The following KLHL32 variants were observed in gnomAD, a reference collection of about 807,000 sequenced individuals.
KLHL32 encodes kelch like family member 32.
KLHL32 carries 35 observed loss-of-function variants against 64.8 expected under a neutral mutation model. That is an observed-to-expected ratio of 0.54 (90% confidence interval 0.41 to 0.72). The LOEUF (loss-of-function observed/expected upper bound fraction) is 0.72. Ranked by LOEUF, KLHL32 falls within the 30% of genes least tolerant of loss-of-function variation. The pLI is 0.00. For synonymous variants in KLHL32, 259 were observed against 281.0 expected (o/e 0.92, Z 0.78); for missense variants, 589 against 768.5 (o/e 0.77, Z 2.76).
At chr6:97,056,141 T>C (rs1426747502) in intron 4 of KLHL32, among the ~76,000 whole-genome samples, 1 of 143,564 alleles carries the variant, frequency 7.0e-6, no homozygotes, top group African/African-American at 2.6e-5. Flanking sequence ...AGTCTCGCTC[T>C]GTCACCCAGG....
intron 1 of KLHL32, among the ~76,000 whole-genome samples, chr6:96,940,277 C>A (rs1771125898): frequency 6.6e-6 from 1 of 151,866 alleles, no homozygotes; most frequent in African/African-American, 2.4e-5. Flanking sequence ...ATTGAAATTG[C>A]CTAGGGATAG....
chr6:96,934,697 G>A (rs1489961205), intron 1 of KLHL32, among the ~76,000 whole-genome samples: 2 of 152,210 alleles, frequency 1.3e-5, no homozygotes, highest in Non-Finnish European at 2.9e-5. Flanking sequence ...TGTCCATATG[G>A]TAGCTCGGTT....
intron 1 of KLHL32, among the ~76,000 whole-genome samples, chr6:96,959,445 C>G (rs963395466): frequency 2.6e-5 from 4 of 152,206 alleles, no homozygotes; most frequent in Non-Finnish European, 5.9e-5. Context: ...GGGTTGGTTT[C>G]TTCTGAGGCC....
intron 4 of KLHL32, among the ~76,000 whole-genome samples, chr6:97,057,195 T>C (rs1292731662): frequency 8.5e-5 from 7 of 82,080 alleles, no homozygotes; most frequent in South Asian, 3.3e-4. Context: ...TTTTTTTTTT[T>C]TTTTTTGAGA....
chr6:97,096,476 T>C (rs1795007206), intron 6 of KLHL32, among the ~76,000 whole-genome samples: 1 of 152,244 alleles, frequency 6.6e-6, no homozygotes, highest in Non-Finnish European at 1.5e-5. Context: ...ATCACTAAAC[T>C]TTTTAAGGAT....
intron 3 of KLHL32, among the ~76,000 whole-genome samples, chr6:96,995,294 T>C (rs1243863807): frequency 1.3e-5 from 2 of 152,200 alleles, no homozygotes; most frequent in South Asian, 2.1e-4. Flanking sequence ...CTACTGCAGG[T>C]TCACTCACTT....
intron 4 of KLHL32, among the ~76,000 whole-genome samples, chr6:97,043,832 G>A (rs962677432): frequency 2.0e-5 from 3 of 151,850 alleles, no homozygotes; most frequent in East Asian, 1.9e-4. Flanking sequence ...ATATCTGTTG[G>A]CCATCTGTAT....
intron 6 of KLHL32, among the ~76,000 whole-genome samples, chr6:97,095,800 G>A (rs1794906487): frequency 6.6e-6 from 1 of 152,158 alleles, no homozygotes; most frequent in Admixed American, 6.5e-5. Flanking sequence ...TGAGAGTGAG[G>A]ATGGATTTGG....
chr6:96,900,099 A>G, the KLHL32 span, among the ~76,000 whole-genome samples: 2 of 151,752 alleles, frequency 1.3e-5, no homozygotes, highest in Non-Finnish European at 2.9e-5. Context: ...TGGAGTCCAG[A>G]CCCCAGACAA....
chr6:96,921,977 T>C (rs1028757247), upstream of KLHL32, among the ~76,000 whole-genome samples: 1 of 152,208 alleles, frequency 6.6e-6, no homozygotes, highest in African/African-American at 2.4e-5. Flanking sequence ...AACCAAACTC[T>C]AGGATACTTG....
At chr6:97,108,940 T>C (rs759621821) in intron 6 of KLHL32, among the ~76,000 whole-genome samples, 7 of 152,216 alleles carry the variant, frequency 4.6e-5, no homozygotes, top group African/African-American at 7.2e-5. Context: ...CAATTTACCA[T>C]AGTGGATGGA....
intron 6 of KLHL32, among the ~76,000 whole-genome samples, chr6:97,112,197 A>C (rs1033713820): frequency 5.3e-5 from 8 of 152,168 alleles, no homozygotes; most frequent in Non-Finnish European, 1.2e-4. Flanking sequence ...TCCCTATCAA[A>C]ATTATTTAAT....
chr6:97,093,432 T>C (rs1794544343), intron 6 of KLHL32, among the ~76,000 whole-genome samples: 1 of 152,222 alleles, frequency 6.6e-6, no homozygotes, highest in South Asian at 2.1e-4. Context: ...GTTGACTCAC[T>C]TCACAGTATA....
chr6:96,898,252 T>G, the KLHL32 span, among the ~76,000 whole-genome samples: 1 of 152,232 alleles, frequency 6.6e-6, no homozygotes, highest in Admixed American at 6.5e-5. Context: ...GTAAGGAAGT[T>G]GACCTTGAAG....
upstream of KLHL32, among the ~76,000 whole-genome samples, chr6:96,923,347 G>A (rs1013007806): frequency 6.6e-6 from 1 of 152,154 alleles, no homozygotes; most frequent in Non-Finnish European, 1.5e-5. Context: ...TTTTCTGATA[G>A]AAGACAACGC....
chr6:97,073,749 A>G (rs1356658545), intron 5 of KLHL32, among the ~76,000 whole-genome samples: 1 of 152,088 alleles, frequency 6.6e-6, no homozygotes. Flanking sequence ...AAAAAATCTG[A>G]ATTTTTCCTT....
At chr6:96,939,196 T>C (rs1395703226) in intron 1 of KLHL32, among the ~76,000 whole-genome samples, 1 of 152,262 alleles carries the variant, frequency 6.6e-6, no homozygotes, top group Non-Finnish European at 1.5e-5. Flanking sequence ...TGTGTTGTTA[T>C]TGCTTCTTAA....
At chr6:97,073,580 C>G (rs1447816280) in intron 5 of KLHL32, among the ~76,000 whole-genome samples, 1 of 152,064 alleles carries the variant, frequency 6.6e-6, no homozygotes, top group East Asian at 1.9e-4. Flanking sequence ...ATCTCTAGTT[C>G]TAGTGCATGG....
chr6:97,129,465 G>A (rs574374820), intron 8 of KLHL32, among the ~76,000 whole-genome samples: 2 of 152,180 alleles, frequency 1.3e-5, no homozygotes, highest in South Asian at 2.1e-4. Context: ...GTCATATTTG[G>A]TCTTCATTTA....
Sources: gnomAD v4.1 joint callset for allele counts (sites outside exome capture counted in the v4.1 genomes callset) on GRCh38, gnomAD v4.1.1 for gene constraint, MANE v1.5 for transcripts, NCBI Gene and HGNC (gene_info 2026-07-23, HGNC 2026-07-21) for gene names.